NELL2: variants seen among roughly 807,000 people sequenced by gnomAD.
NELL2 encodes the protein neural EGFL like 2, also known as protein kinase C-binding protein NELL2.
Under a neutral mutation model 109.6 loss-of-function variants are expected in NELL2, and 41 were observed. That is an observed-to-expected ratio of 0.37 (90% CI 0.29 to 0.49). The LOEUF is 0.49. NELL2 is among the 20% of genes least tolerant of loss of function. The probability of loss-of-function intolerance (pLI) is 0.98; values close to 1 mark genes in which losing one functional copy is unlikely to be tolerated. For missense variants in NELL2, 900 were observed against 1,008.3 expected (o/e 0.89, Z 1.45); for synonymous variants, 355 against 344.7 (o/e 1.03, Z -0.33).
intron 2 of NELL2, among the ~76,000 whole-genome samples, chr12:44,827,034 C>G (rs1369479634): frequency 1.3e-5 from 2 of 152,122 alleles, no homozygotes; most frequent in African/African-American, 4.8e-5. Context: ...AGAGAGTAAA[C>G]TGCACTAAAT....
At chr12:44,770,162 T>A (rs1941491615) in intron 9 of NELL2, among the ~76,000 whole-genome samples, 1 of 152,208 alleles carries the variant, frequency 6.6e-6, no homozygotes, top group Non-Finnish European at 1.5e-5. Flanking sequence ...CTTGAGGTCC[T>A]ACGTAGCTTT....
At position 44,754,915 on chromosome 12, in the gene NELL2, C is replaced by A. The variant is rs116417793; in HGVS notation, c.994+19832G>T. On this transcript the variant is annotated intron_variant, in intron 9 of 19. Coordinates refer to ENST00000429094, the MANE Select transcript of NELL2 (RefSeq NM_001145108.2). ...TACTATCGACAACTCTGTGAGGCAG[C>A]TAATTCAACAAAAACTCAAATATCT... 5.1e-3 allele frequency among the ~76,000 whole-genome samples: 782 copies of A among 152,322 alleles called. 8 individuals are homozygous for A. The highest frequency in any genetic ancestry group is 0.018 in the African/African-American group (731 of 41,576).
intron 12 of NELL2, among the ~76,000 whole-genome samples, chr12:44,685,974 T>C (rs1390692536): frequency 6.6e-6 from 1 of 152,232 alleles, no homozygotes; most frequent in Admixed American, 6.5e-5. Flanking sequence ...CCTTGATAGA[T>C]TGGGGAAGTT....
At chr12:44,776,924 T>C in intron 7 of NELL2, 118 bp downstream of exon 7, 2 of 810,926 alleles carry the variant, frequency 2.5e-6, no homozygotes, top group East Asian at 2.6e-5. Flanking sequence ...GATTCAGTCC[T>C]AGCAAACAGT....
chr12:44,544,184 G>T (rs1056342996), intron 15 of NELL2, among the ~76,000 whole-genome samples: 1 of 151,992 alleles, frequency 6.6e-6, no homozygotes, highest in Non-Finnish European at 1.5e-5. Context: ...ACCAATAGAG[G>T]AACTGAAACT....
chr12:44,809,735 T>C (rs1279149358), intron 3 of NELL2, among the ~76,000 whole-genome samples: 1 of 152,100 alleles, frequency 6.6e-6, no homozygotes, highest in Non-Finnish European at 1.5e-5. Context: ...TATGTTTCAG[T>C]GCCAAGGTTT....
intron 2 of NELL2, among the ~76,000 whole-genome samples, chr12:44,819,228 A>C (rs190929383): frequency 6.6e-6 from 1 of 152,174 alleles, no homozygotes; most frequent in Non-Finnish European, 1.5e-5. Context: ...AAAAAAATTG[A>C]TCAATCAGCG....
chr12:44,540,538 G>C (rs1423507261), intron 15 of NELL2, among the ~76,000 whole-genome samples: 2 of 152,038 alleles, frequency 1.3e-5, no homozygotes. Flanking sequence ...GTCTACTGAT[G>C]AATAATCAAC....
chr12:44,654,790 G>A (rs909442870), intron 13 of NELL2, among the ~76,000 whole-genome samples: 5 of 152,132 alleles, frequency 3.3e-5, no homozygotes, highest in African/African-American at 9.7e-5. Flanking sequence ...GAAGAGCAGC[G>A]AGGCGAGGCA....
intron 15 of NELL2, among the ~76,000 whole-genome samples, chr12:44,591,806 T>C (rs1185940678): frequency 1.3e-5 from 2 of 152,296 alleles, no homozygotes; most frequent in African/African-American, 2.4e-5. Flanking sequence ...TTTGAGGTGA[T>C]GGATATGCTA....
chr12:44,919,420 T>G (rs1945853047), intron 1 of NELL2, among the ~76,000 whole-genome samples: 1 of 152,134 alleles, frequency 6.6e-6, no homozygotes, highest in Admixed American at 6.6e-5. Context: ...TGGGTTGCAC[T>G]GTGTTCCCCT....
intron 15 of NELL2, among the ~76,000 whole-genome samples, chr12:44,599,698 G>C (rs1020910690): frequency 1.3e-5 from 2 of 152,048 alleles, no homozygotes; most frequent in African/African-American, 4.8e-5. Flanking sequence ...CGATGAAAGC[G>C]GTTAACTCTT....
At chr12:44,532,225 T>C (rs939116307) in intron 16 of NELL2, among the ~76,000 whole-genome samples, 1 of 152,170 alleles carries the variant, frequency 6.6e-6, no homozygotes, top group African/African-American at 2.4e-5. Context: ...CCATTTTCCC[T>C]CTATCTTGCT....
At chr12:44,690,148 C>G (rs992775334) in intron 12 of NELL2, among the ~76,000 whole-genome samples, 7 of 152,056 alleles carry the variant, frequency 4.6e-5, no homozygotes, top group African/African-American at 1.7e-4. Flanking sequence ...AAGGTTGTGT[C>G]CAGGAATGTG....
At position 44,818,836 on chromosome 12, in the gene NELL2, G is replaced by A. The variant is rs1043896900; in HGVS notation, c.185-2700C>T. Among the ~76,000 whole-genome samples the A allele has an allele frequency of 2.5e-4, 35 of 139,408 alleles. No individual in the cohort carries two copies. In the South Asian group the frequency reaches 2.9e-3, roughly 12 times the overall value. 91.5% of individuals were successfully genotyped at this position (139,408 alleles called of 152,430 possible). A position where few individuals can be genotyped will look rare whatever the true frequency, so the allele number is the denominator to read the frequency against. On this transcript the variant is annotated intron_variant, in intron 2 of 19. Transcript: ENST00000429094. The stretch of plus-strand genomic sequence containing the variant: ...CGGCTCACTGCAAGCTCCGCTTCCC[G>A]GGTTCACGCCATTCTCCTGCCTCAG...
At chr12:44,659,675 C>A (rs1024411129) in intron 13 of NELL2, among the ~76,000 whole-genome samples, 1 of 151,996 alleles carries the variant, frequency 6.6e-6, no homozygotes, top group Non-Finnish European at 1.5e-5. Context: ...AAAGAATTGA[C>A]CACAAAAAGA....
In NELL2 at chr12:44,698,838, G is replaced by A. The variant is rs780072511; in HGVS notation, c.1318+4888C>T. Among the ~76,000 whole-genome samples the A allele has an allele frequency of 9.9e-5, 15 of 152,144 alleles. 1 individual carries two copies. The highest frequency in any genetic ancestry group is 6.2e-4 in the South Asian group (3 of 4,818). Reference sequence around the variant, plus strand: ...TCCTGTTCTTGGTATAATGTCAAAGGCTTAGATAGGAAAATCACAGTTTGG... The same window carrying A: ...TCCTGTTCTTGGTATAATGTCAAAGACTTAGATAGGAAAATCACAGTTTGG... On this transcript the variant is annotated intron_variant, in intron 12 of 19. Transcript: ENST00000429094.
At chr12:44,820,876 G>T (rs1943518941) in intron 2 of NELL2, among the ~76,000 whole-genome samples, 1 of 151,588 alleles carries the variant, frequency 6.6e-6, no homozygotes, top group Admixed American at 6.6e-5. Flanking sequence ...ATATGAGAGA[G>T]GTTAAAGTTG....
intron 9 of NELL2, among the ~76,000 whole-genome samples, chr12:44,747,305 G>T (rs1241184604): frequency 2.1e-4 from 32 of 152,044 alleles, no homozygotes; most frequent in Admixed American, 2.1e-3. Context: ...GTTGTAAGGT[G>T]GGGGAAGGGG....
Sources: gnomAD v4.1 joint callset for allele counts (sites outside exome capture counted in the v4.1 genomes callset) on GRCh38, gnomAD v4.1.1 for gene constraint, MANE v1.5 for transcripts, NCBI Gene and HGNC (gene_info 2026-07-23, HGNC 2026-07-21) for gene names.